Variants in TTC4 observed in about 807,000 individuals in gnomAD.
TTC4 encodes the protein tetratricopeptide repeat domain 4.
In TTC4, 36 loss-of-function variants were observed where a neutral mutation model predicts 51.9. That is an observed-to-expected ratio of 0.69 (90% CI 0.53 to 0.92). The LOEUF is 0.92. TTC4 is among the 40% of genes least tolerant of loss of function. The pLI is 0.00. For missense variants in TTC4, 399 were observed against 454.6 expected, an observed-to-expected ratio of 0.88 and a Z score of 1.11; for synonymous variants, 144 against 164.2, an observed-to-expected ratio of 0.88 and a Z score of 0.94.
chr1:54,726,222 A>T (rs918998444), intron 5 of TTC4, among the ~76,000 whole-genome samples: 7 of 152,230 alleles, frequency 4.6e-5, no homozygotes, highest in Non-Finnish European at 1.0e-4. Context: ...CAAGAGAAAA[A>T]TGACTCTTTA....
chr1:54,736,175 G>GGAGAGAGAGA lies in TTC4; in HGVS notation c.979-1368_979-1359dup, dbSNP rs11292044. On this transcript the variant is annotated intron_variant, in intron 8 of 9. Coordinates refer to ENST00000371281, the MANE Select transcript of TTC4 (RefSeq NM_004623.5). ...GGAGAAAGAGAGAGAAAGAAAGAAAGGAGAGAGAGAGAGAGAGAGAGAGAG... is the reference window on the plus strand; with the variant it reads ...GGAGAAAGAGAGAGAAAGAAAGAAAGGAGAGAGAGAGAGAGAGAGAGAGAGAGAGAGAGAG... Among the ~76,000 whole-genome samples the GGAGAGAGAGA allele has an allele frequency of 5.7e-3, 572 of 100,676 alleles. 9 individuals carry two copies. Among genetic ancestry groups the GGAGAGAGAGA allele is most frequent in the Middle Eastern group, 0.01 (2 of 200 alleles). 66.0% of individuals were successfully genotyped at this position (100,676 alleles called of 152,430 possible).
chr1:54,718,331 C>T (rs995064810), intron 3 of TTC4, among the ~76,000 whole-genome samples: 1 of 152,170 alleles, frequency 6.6e-6, no homozygotes, highest in Non-Finnish European at 1.5e-5. Context: ...TGCACTCCAG[C>T]CTGGGTGACA....
At chr1:54,729,727 G>T (rs1008998810) in intron 6 of TTC4, among the ~76,000 whole-genome samples, 1 of 144,514 alleles carries the variant, frequency 6.9e-6, no homozygotes, top group South Asian at 2.2e-4. Flanking sequence ...TATGGGATAG[G>T]TTTTTTTTTT....
In TTC4 at chr1:54,717,728, A is replaced by G; in HGVS notation, c.391+75A>G. On this transcript the variant is annotated intron_variant, in intron 3 of 9. Coordinates refer to ENST00000371281, the MANE Select transcript of TTC4 (RefSeq NM_004623.5). ...TGATGGTTAGTGGAGGTTTGAGAAC[A>G]TCAGAGGATGAGGGGCTGTTATCCC... 3.0e-6 allele frequency: 4 copies of G among 1,327,618 alleles called. No homozygotes were observed. The East Asian group carries it at 1.1e-4, about 35-fold the overall frequency. The allele number at this position is 1,327,618 out of a possible 1,614,324, so 82.2% of individuals were successfully genotyped here.
chr1:54,734,442 G>T (rs1005280135), intron 8 of TTC4, among the ~76,000 whole-genome samples: 2 of 152,142 alleles, frequency 1.3e-5, no homozygotes, highest in African/African-American at 4.8e-5. Flanking sequence ...AGGCTGGAGT[G>T]CTGTGGTGCA....
intron 5 of TTC4, among the ~76,000 whole-genome samples, chr1:54,723,588 T>C (rs1434440386): frequency 6.6e-6 from 1 of 152,214 alleles, no homozygotes; most frequent in Non-Finnish European, 1.5e-5. Flanking sequence ...AGCCACTGCC[T>C]GAATTTGAAG....
intron 2 of TTC4, 131 bp downstream of exon 2, chr1:54,716,848 T>C: frequency 1.4e-6 from 1 of 717,540 alleles, no homozygotes; most frequent in Non-Finnish European, 2.3e-6. Flanking sequence ...TCCAATATAC[T>C]TCTTTTTGTA....
chr1:54,733,557 G>C, intron 7 of TTC4, 72 bp from the exon 8 acceptor site: 3 of 1,232,962 alleles, frequency 2.4e-6, no homozygotes, highest in Non-Finnish European at 3.4e-6. Context: ...CTTTGAATTA[G>C]TGTCTGGGGA....
chr1:54,729,441 C>G lies in TTC4; in HGVS notation c.681+1009C>G, dbSNP rs184388916. Among the ~76,000 whole-genome samples the G allele has an allele frequency of 8.6e-4, 131 of 152,166 alleles. 1 individual carries two copies. The highest frequency in any genetic ancestry group is 2.9e-3 in the African/African-American group (121 of 41,502). Reference sequence around the variant, plus strand: ...CTTCTGTTTTTTTGGATAATAGTTTCAGAGAGGTGAAGAAACCTTACACAG... The same window carrying G: ...CTTCTGTTTTTTTGGATAATAGTTTGAGAGAGGTGAAGAAACCTTACACAG... On this transcript the variant is annotated intron_variant, in intron 6 of 9. Coordinates refer to ENST00000371281, the MANE Select transcript of TTC4 (RefSeq NM_004623.5).
In TTC4 at chr1:54,722,885, CTT is replaced by C. The variant is rs1645759550; in HGVS notation, c.594+90_594+91del. On this transcript the variant is annotated intron_variant, in intron 5 of 9. Coordinates refer to ENST00000371281, the MANE Select transcript of TTC4 (RefSeq NM_004623.5). ...ATTGTGTCTCTCAAGTCATTGTAAA[CTT>C]TTTAAAAACAAAACCCAAAACTAGT... is the stretch of plus-strand genomic sequence containing the variant. 58 of 1,550,568 alleles carry C rather than the reference CTT, an allele frequency of 3.7e-5. No individual in the cohort carries two copies. The South Asian group carries it at 6.2e-4, about 17-fold the overall frequency.
Position 54,721,172 on chromosome 1 carries a change from G to A in TTC4, c.401G>A (p.Arg134His), listed in dbSNP as rs78775654. ...AACGGTGTTTTGTTAGGCAATTTTC[G>A]TTCTGCTCTCAATGATGTGACAGCT... ...AAAQYYLGNF[R>H]SALNDVTAAR... The change falls in exon 4 of 10, where the codon CGT becomes CAT. Residue 134 changes from arginine to histidine, a missense_variant. By Grantham distance (29) the Arg-to-His change is conservative. Around this residue, in one of 3 missense-constraint regions of TTC4, gnomAD observed 316 missense variants for 349.6 expected, o/e 0.90. Transcript: ENST00000371281. The A allele has an allele frequency of 1.1e-5, 18 of 1,613,144 alleles. 1 individual carries two copies. The Admixed American group carries it at 1.2e-4, about 10-fold the overall frequency.
At chr1:54,721,505 T>A (rs1645743140) in intron 4 of TTC4, among the ~76,000 whole-genome samples, 1 of 152,200 alleles carries the variant, frequency 6.6e-6, no homozygotes, top group African/African-American at 2.4e-5. Flanking sequence ...ATATTCTGAT[T>A]TTTTTTCCAA....
intron 5 of TTC4, among the ~76,000 whole-genome samples, chr1:54,723,559 C>G (rs771823420): frequency 2.6e-5 from 4 of 152,176 alleles, no homozygotes; most frequent in Non-Finnish European, 5.9e-5. Context: ...TACACAGTGG[C>G]TAAGAGCTTA....
chr1:54,718,916 A>G (rs1645709118), intron 3 of TTC4, among the ~76,000 whole-genome samples: 1 of 152,108 alleles, frequency 6.6e-6, no homozygotes, highest in Non-Finnish European at 1.5e-5. Flanking sequence ...GGACCTTTTC[A>G]GTCTGGAAAC....
intron 6 of TTC4, among the ~76,000 whole-genome samples, chr1:54,729,872 C>T (rs1267500849): frequency 6.6e-6 from 1 of 152,076 alleles, no homozygotes; most frequent in Non-Finnish European, 1.5e-5. Context: ...AGGTGCACAC[C>T]ACCATGCCCA....
intron 9 of TTC4, among the ~76,000 whole-genome samples, chr1:54,738,268 C>A (rs1254253146): frequency 2.0e-5 from 3 of 151,662 alleles, no homozygotes; most frequent in African/African-American, 7.2e-5. Flanking sequence ...ACAGCACAGG[C>A]AAGACATACC....
At chr1:54,741,379 T>TC in intron 9 of TTC4, 32 bp from the exon 10 acceptor site, 2 of 1,560,650 alleles carry the variant, frequency 1.3e-6, no homozygotes, top group African/African-American at 2.7e-5. Context: ...GTAATTAAAT[T>TC]AACACCCTCT....
At chr1:54,735,846 T>C (rs1221713171) in intron 8 of TTC4, among the ~76,000 whole-genome samples, 2 of 152,200 alleles carry the variant, frequency 1.3e-5, no homozygotes, top group East Asian at 3.8e-4. Context: ...TCTTTTATGC[T>C]CAGAATATCC....
At chr1:54,736,498 G>A (rs1645946649) in intron 8 of TTC4, among the ~76,000 whole-genome samples, 1 of 151,988 alleles carries the variant, frequency 6.6e-6, no homozygotes, top group African/African-American at 2.4e-5. Context: ...AGTCTCCCAA[G>A]TAGCTGGGAC....
Sources: gnomAD v4.1 joint callset for allele counts (sites outside exome capture counted in the v4.1 genomes callset) on GRCh38, gnomAD v4.1.1 for gene constraint, gnomAD v4.1.1 regional missense constraint, MANE v1.5 for transcripts, NCBI Gene and HGNC (gene_info 2026-07-23, HGNC 2026-07-21) for gene names.